The following ERC1 variants were observed in gnomAD, a reference collection of about 807,000 sequenced individuals.
ERC1 encodes ELKS/RAB6-interacting/CAST family member 1.
ERC1 carries 56 observed loss-of-function variants against 132.0 expected under a neutral mutation model. The ratio of observed to expected loss-of-function variants is 0.42; its 90% CI spans 0.34 to 0.53. ERC1 has a LOEUF of 0.53. Ranked by LOEUF, ERC1 falls within the 20% of genes least tolerant of loss-of-function variation. The probability of loss-of-function intolerance (pLI) is 0.03; values close to 1 mark genes in which losing one functional copy is unlikely to be tolerated. For missense variants in ERC1, 1,202 were observed against 1,349.9 expected, an observed-to-expected ratio of 0.89 and a Z score of 1.72; for synonymous variants, 478 against 476.1, an observed-to-expected ratio of 1.00 and a Z score of -0.05.
chr12:1,017,732 C>T (rs1965742243), intron 1 of ERC1, among the ~76,000 whole-genome samples: 1 of 152,108 alleles, frequency 6.6e-6, no homozygotes, highest in South Asian at 2.1e-4. Flanking sequence ...CTCCTGGTCT[C>T]AGGTGATCTG....
intron 15 of ERC1, among the ~76,000 whole-genome samples, chr12:1,295,266 C>T (rs531967141): frequency 6.6e-6 from 1 of 152,130 alleles, no homozygotes; most frequent in African/African-American, 2.4e-5. Flanking sequence ...GAAAGGTCCC[C>T]CATCGATTTA....
chr12:1,453,201 A>G (rs1293715044), intron 18 of ERC1, among the ~76,000 whole-genome samples: 2 of 151,394 alleles, frequency 1.3e-5, no homozygotes, highest in Non-Finnish European at 2.9e-5. Flanking sequence ...TCTCCCCCCT[A>G]CTCAGCACAG....
At chr12:1,333,329 CA>C (rs2083032835) in intron 15 of ERC1, among the ~76,000 whole-genome samples, 1 of 135,804 alleles carries the variant, frequency 7.4e-6, no homozygotes, top group African/African-American at 2.8e-5. Flanking sequence ...ATATGTACCG[CA>C]TTTTTTTTTT....
intron 18 of ERC1, among the ~76,000 whole-genome samples, chr12:1,453,417 C>T (rs1203526890): frequency 1.3e-5 from 2 of 152,186 alleles, no homozygotes; most frequent in East Asian, 3.8e-4. Flanking sequence ...TGCTGCCCTA[C>T]CCCCAGAAGC....
intron 12 of ERC1, among the ~76,000 whole-genome samples, chr12:1,233,148 C>T (rs1022360556): frequency 1.3e-5 from 2 of 152,090 alleles, no homozygotes; most frequent in African/African-American, 4.8e-5. Context: ...TGCCTTGATG[C>T]ACTAGTTAAT....
rs562644790 is a variant in ERC1 at position 1,019,190 on chromosome 12, C to A, written c.-156-8558C>A. ...CCAGGCTGGAGTGCAGTGGCATGAT[C>A]TCTGCTCACTGCAACCTCCGCCTCT... On this transcript the variant is annotated intron_variant, in intron 1 of 18. Transcript: ENST00000360905. 3.3e-5 allele frequency among the ~76,000 whole-genome samples: 5 copies of A among 152,328 alleles called. No homozygotes were observed. In the South Asian group the frequency reaches 8.3e-4, roughly 25 times the overall value.
At chr12:1,144,635 C>CGTATATATATATATAT (rs1566075478) in intron 8 of ERC1, among the ~76,000 whole-genome samples, 1 of 136,442 alleles carries the variant, frequency 7.3e-6, no homozygotes, top group African/African-American at 3.2e-5. Context: ...TATATATATA[C>CGTATATATATATATAT]GTGTATATAT....
At chr12:1,195,770 A>G (rs1217699547) in intron 12 of ERC1, among the ~76,000 whole-genome samples, 2 of 151,128 alleles carry the variant, frequency 1.3e-5, no homozygotes, top group Non-Finnish European at 2.9e-5. Flanking sequence ...GCTGCTTGTT[A>G]TGTGAGATAG....
intron 1 of ERC1, among the ~76,000 whole-genome samples, chr12:1,007,256 A>G (rs2154136052): frequency 6.6e-6 from 1 of 152,312 alleles, no homozygotes; most frequent in East Asian, 1.9e-4. Context: ...CCTTGGAGCA[A>G]TGGCAAGACT....
rs935893186 is a variant in ERC1 at position 1,398,944 on chromosome 12, TTTTTTTTTTTTTTTTTG to T, written c.2926-9202_2926-9186del. ...CTTTTCTCCTACTTTTTTTTTTTTT[TTTTTTTTTTTTTTTTTG>T]TTGAAACAAGGTCTCACTCTGTCAA... On this transcript the variant is annotated intron_variant, in intron 16 of 18. Transcript: ENST00000360905. Among the ~76,000 whole-genome samples, 11 of 93,208 alleles carry T rather than the reference TTTTTTTTTTTTTTTTTG, an allele frequency of 1.2e-4. 1 individual carries two copies. The highest frequency in any genetic ancestry group is 4.4e-4 in the African/African-American group (7 of 15,802). 61.1% of individuals were successfully genotyped at this position (93,208 alleles called of 152,430 possible).
At chr12:1,410,344 A>G (rs1186874040) in intron 17 of ERC1, 1 of 911,180 alleles carries the variant, frequency 1.1e-6, no homozygotes, top group Non-Finnish European at 1.6e-6. Flanking sequence ...TTTTCATTCC[A>G]TGCTGCCCTG....
At chr12:1,319,861 C>T (rs1259294436) in intron 15 of ERC1, among the ~76,000 whole-genome samples, 1 of 152,026 alleles carries the variant, frequency 6.6e-6, no homozygotes, top group Non-Finnish European at 1.5e-5. Context: ...GTACCTAAAG[C>T]TATGATAGAA....
In ERC1 at chr12:1,204,562, C is replaced by T. The variant is rs756691034; in HGVS notation, c.2351+14510C>T. 1.1e-5 allele frequency: 17 copies of T among 1,543,586 alleles called. No individual in the cohort carries two copies. The East Asian group carries it at 2.5e-4, about 23-fold the overall frequency. Reference sequence around the variant, plus strand: ...AGATGATGTGATTGAGCGTTGTTTGCGAATATTGTCTTGAATTCTTACAGG... The same window carrying T: ...AGATGATGTGATTGAGCGTTGTTTGTGAATATTGTCTTGAATTCTTACAGG... On this transcript the variant is annotated intron_variant, in intron 12 of 18. Transcript: ENST00000360905.
chr12:1,358,858 C>T (rs906897295), intron 15 of ERC1, among the ~76,000 whole-genome samples: 6 of 152,188 alleles, frequency 3.9e-5, no homozygotes, highest in East Asian at 1.9e-4. Flanking sequence ...GTAGTAGGTT[C>T]GCACTCTGGA....
chr12:1,294,477 C>A (rs1243467732), intron 15 of ERC1, among the ~76,000 whole-genome samples: 1 of 152,062 alleles, frequency 6.6e-6, no homozygotes, highest in Non-Finnish European at 1.5e-5. Flanking sequence ...TTTCAAAATT[C>A]TTTCTCTCTC....
chr12:1,060,725 T>A (rs1593022966), intron 2 of ERC1, among the ~76,000 whole-genome samples: 2 of 196 alleles, frequency 0.01, no homozygotes, highest in Admixed American at 0.083. Flanking sequence ...ACGTGGGAAA[T>A]TTTTTTTTTT....
chr12:1,127,022 A>G (rs1948262888), intron 7 of ERC1, among the ~76,000 whole-genome samples: 1 of 151,102 alleles, frequency 6.6e-6, no homozygotes, highest in Non-Finnish European at 1.5e-5. Flanking sequence ...AACCTCAAAA[A>G]TCAATAGAGA....
intron 15 of ERC1, among the ~76,000 whole-genome samples, chr12:1,301,172 G>A (rs961556974): frequency 6.6e-6 from 1 of 150,450 alleles, no homozygotes; most frequent in African/African-American, 2.4e-5. Context: ...TGATATAATC[G>A]ACTTTAGAGA....
intron 15 of ERC1, among the ~76,000 whole-genome samples, chr12:1,362,273 C>T (rs2086199747): frequency 6.6e-6 from 1 of 152,152 alleles, no homozygotes; most frequent in Non-Finnish European, 1.5e-5. Context: ...TGAAAAAGGA[C>T]ATCAGGACTC....
Sources: allele counts gnomAD v4.1 joint callset (sites outside exome capture counted in the v4.1 genomes callset), GRCh38; gene constraint gnomAD v4.1.1; transcripts MANE v1.5; gene names NCBI Gene and HGNC (gene_info 2026-07-23, HGNC 2026-07-21).